The following MYO18B variants were observed in gnomAD, a reference collection of about 807,000 sequenced individuals.
MYO18B encodes the protein unconventional myosin-XVIIIb.
Under a neutral mutation model 273.0 loss-of-function variants are expected in MYO18B, and 204 were observed. The observed-to-expected ratio is 0.75, with a 90% CI of 0.67 to 0.84. The LOEUF (loss-of-function observed/expected upper bound fraction) is 0.84, where lower values mean the gene tolerates loss of function less well. Among genes scored for constraint, MYO18B ranks in the 40% least tolerant of loss-of-function variants. The pLI is 0.00. For synonymous variants in MYO18B, 1,330 were observed against 1,305.7 expected (o/e 1.02, Z -0.40); for missense variants, 3,212 against 3,287.6 (o/e 0.98, Z 0.56).
chr22:25,903,562 A>C, intron 30 of MYO18B, 69 bp from the exon 31 acceptor site: 1 of 1,482,924 alleles, frequency 6.7e-7, no homozygotes, highest in Non-Finnish European at 9.2e-7. Context: ...TTGGTTGTAG[A>C]GGTATCCCTG....
chr22:25,896,349 A>G (rs1397811924), intron 28 of MYO18B: 6 of 152,040 alleles, frequency 3.9e-5, no homozygotes, highest in African/African-American at 1.5e-4. Context: ...GGGGTTTGTC[A>G]ATGCAACGGT....
chr22:25,855,425 A>G (rs745590956), intron 21 of MYO18B, among the ~76,000 whole-genome samples: 8 of 151,398 alleles, frequency 5.3e-5, no homozygotes, highest in Non-Finnish European at 8.8e-5. Flanking sequence ...CTGGAACTTC[A>G]GGCGCCCGCC....
chr22:26,023,739 A>G (rs1323282291), intron 42 of MYO18B, among the ~76,000 whole-genome samples: 2 of 152,198 alleles, frequency 1.3e-5, no homozygotes, highest in Non-Finnish European at 2.9e-5. Context: ...TTTCAGGGCC[A>G]GGACAGGATG....
intron 22 of MYO18B, among the ~76,000 whole-genome samples, chr22:25,869,517 GGA>G (rs1028984921): frequency 3.3e-5 from 5 of 150,318 alleles, no homozygotes; most frequent in African/African-American, 1.2e-4. Flanking sequence ...AAGGAAAACT[GGA>G]GAGGAACAGA....
At chr22:25,969,201 G>A (rs1569248144) in intron 39 of MYO18B, among the ~76,000 whole-genome samples, 1 of 152,222 alleles carries the variant, frequency 6.6e-6, no homozygotes, top group Non-Finnish European at 1.5e-5. Flanking sequence ...CTGTTGGAGA[G>A]AGGGTTTCAA....
chr22:25,845,529 A>G (rs994992272), intron 18 of MYO18B, among the ~76,000 whole-genome samples: 1 of 145,238 alleles, frequency 6.9e-6, no homozygotes, highest in Non-Finnish European at 1.5e-5. Flanking sequence ...AAAACCAACA[A>G]CAACAACAAC....
At chr22:25,898,629 A>C (rs568330044) in intron 29 of MYO18B, 168 bp downstream of exon 29, 5 of 675,762 alleles carry the variant, frequency 7.4e-6, no homozygotes, top group African/African-American at 3.6e-5. Flanking sequence ...TTCTCCCAAG[A>C]ATCCAGCAAG....
At chr22:26,060,215 A>G in the MYO18B span, among the ~76,000 whole-genome samples, 621 of 152,312 alleles carry the variant, frequency 4.1e-3, 10 homozygotes, top group African/African-American at 0.014. Context: ...TAATTTGTTT[A>G]CATATGGTCT....
chr22:25,984,150 T>G (rs2093177220), intron 39 of MYO18B, among the ~76,000 whole-genome samples: 1 of 152,228 alleles, frequency 6.6e-6, no homozygotes, highest in Admixed American at 6.5e-5. Context: ...CATTTGTTCC[T>G]TGTAACACCT....
Position 25,955,314 on chromosome 22 carries a change from G to C in MYO18B, c.6106G>C (p.Glu2036Gln). Residue 2036 changes from glutamate to glutamine, a missense_variant, in exon 39 of 44, where the codon GAA becomes CAA. Glu to Gln is a conservative substitution (Grantham distance 29). Coordinates refer to ENST00000335473, the MANE Select transcript of MYO18B (RefSeq NM_032608.7). ...RRLEELKADM[E>Q]ELVQREAEAS... The stretch of plus-strand genomic sequence containing the variant: ...CCTGGAAGAGCTGAAGGCCGACATG[G>C]AAGAGCTGGTGCAGCGGGAGGCAGA... 1 of 1,613,832 alleles carries C rather than the reference G, an allele frequency of 6.2e-7. No individual in the cohort carries two copies. The highest frequency in any genetic ancestry group is 8.5e-7 in the Non-Finnish European group (1 of 1,179,828).
chr22:26,017,472 G>C (rs945957199), intron 42 of MYO18B, among the ~76,000 whole-genome samples: 1 of 149,156 alleles, frequency 6.7e-6, no homozygotes, highest in Admixed American at 6.7e-5. Context: ...AAATAGTTTC[G>C]CATCTTTCTT....
At chr22:26,042,779 TGCTAGGCACTGG>T in the MYO18B span, among the ~76,000 whole-genome samples, 1 of 152,236 alleles carries the variant, frequency 6.6e-6, no homozygotes, top group Admixed American at 6.5e-5. Context: ...ACCTATTATG[TGCTAGGCACTGG>T]GCTAGGCACC....
At position 25,928,402 on chromosome 22, in the gene MYO18B, C is replaced by CAAAA. The variant is rs71311529; in HGVS notation, c.5517+7012_5517+7015dup. ...TGGGCAACATAGTAAGACCCGGCCT[C>CAAAA]AAAAAAAAAAAAAAAAAAAAAAGGC... On this transcript the variant is annotated intron_variant, in intron 34 of 43. Transcript: ENST00000335473. Among the ~76,000 whole-genome samples, 138 of 48,060 alleles carry CAAAA rather than the reference C, an allele frequency of 2.9e-3. 2 individuals are homozygous for CAAAA. The highest frequency in any genetic ancestry group is 9.7e-3 in the African/African-American group (128 of 13,176). The allele number at this position is 48,060 out of a possible 152,430, so 31.5% of individuals were successfully genotyped here.
intron 11 of MYO18B, among the ~76,000 whole-genome samples, chr22:25,793,973 G>T (rs547698995): frequency 6.6e-6 from 1 of 150,780 alleles, no homozygotes; most frequent in Middle Eastern, 3.2e-3. Flanking sequence ...TTGCTCTGTC[G>T]CCCAGGCTGG....
chr22:25,877,752 G>A (rs546858746), intron 24 of MYO18B, among the ~76,000 whole-genome samples: 2 of 152,306 alleles, frequency 1.3e-5, no homozygotes, highest in South Asian at 4.1e-4. Flanking sequence ...ACAGGTGTGA[G>A]CCACTGTGCC....
intron 27 of MYO18B, among the ~76,000 whole-genome samples, chr22:25,893,384 G>A (rs2091714590): frequency 6.6e-6 from 1 of 152,218 alleles, no homozygotes; most frequent in African/African-American, 2.4e-5. Context: ...AGGAAAACAT[G>A]TTGATTAAGG....
At chr22:25,963,178 T>TCTCTCACACACACACA (rs774304270) in intron 39 of MYO18B, among the ~76,000 whole-genome samples, 23 of 144,178 alleles carry the variant, frequency 1.6e-4, no homozygotes, top group African/African-American at 5.5e-4. Context: ...TCTCTCTCTC[T>TCTCTCACACACACACA]CACACACACA....
At chr22:25,780,590 C>CAAAAAAAAAAAAA (rs59082074) in intron 9 of MYO18B, among the ~76,000 whole-genome samples, 5 of 65,206 alleles carry the variant, frequency 7.7e-5, no homozygotes, top group East Asian at 9.4e-4. Context: ...AACTCCATCT[C>CAAAAAAAAAAAAA]AAAAAAAAAA....
chr22:25,924,545 C>T (rs1457540129), intron 34 of MYO18B, among the ~76,000 whole-genome samples: 8 of 152,166 alleles, frequency 5.3e-5, no homozygotes, highest in African/African-American at 1.4e-4. Context: ...AAATAGGGTG[C>T]TAAGATAGAG....
Sources: gnomAD v4.1 joint callset for allele counts (sites outside exome capture counted in the v4.1 genomes callset) on GRCh38, gnomAD v4.1.1 for gene constraint, MANE v1.5 for transcripts, NCBI Gene and HGNC (gene_info 2026-07-23, HGNC 2026-07-21) for gene names.